GPC6: variants seen among roughly 807,000 people sequenced by gnomAD.
GPC6 encodes the protein glypican 6.
In GPC6, 14 loss-of-function variants were observed where a neutral mutation model predicts 55.2. That is an observed-to-expected ratio of 0.25 (90% CI 0.17 to 0.40). GPC6 has a LOEUF of 0.40. GPC6 is among the 10% of genes least tolerant of loss of function. The pLI, the probability that GPC6 is intolerant of heterozygous loss-of-function variation, is 1.00. For synonymous variants in GPC6, 278 were observed against 259.6 expected, an observed-to-expected ratio of 1.07 and a Z score of -0.68; for missense variants, 641 against 708.5, an observed-to-expected ratio of 0.90 and a Z score of 1.08.
intron 2 of GPC6, among the ~76,000 whole-genome samples, chr13:93,617,327 A>G (rs1384908271): frequency 6.6e-6 from 1 of 152,152 alleles, no homozygotes; most frequent in Non-Finnish European, 1.5e-5. Context: ...TTAACTCTTT[A>G]AACTCTGTAA....
Position 94,406,714 on chromosome 13 carries a change from G to A in GPC6, c.*3497G>A, listed in dbSNP as rs563025003. 2.1e-4 allele frequency: 32 copies of A among 151,980 alleles called. No individual in the cohort carries two copies. The highest frequency in any genetic ancestry group is 1.7e-3 in the East Asian group (9 of 5,180). 9.4% of individuals were successfully genotyped at this position (151,980 alleles called of 1,614,324 possible). ...TCTTTTGCCATTACATACATGTTTC[G>A]GCTACAGACTGAACACGAACTAAAG... On this transcript the variant is annotated 3_prime_UTR_variant, in exon 9 of 9. Transcript: ENST00000377047.
chr13:94,309,536 A>G (rs2139115990), intron 6 of GPC6, among the ~76,000 whole-genome samples: 1 of 152,350 alleles, frequency 6.6e-6, no homozygotes, highest in East Asian at 1.9e-4. Flanking sequence ...TAAGGAACTT[A>G]TAAATTCTTT....
At chr13:93,788,542 C>CACACACACACACAA (rs1376667571) in intron 2 of GPC6, among the ~76,000 whole-genome samples, 1 of 151,658 alleles carries the variant, frequency 6.6e-6, no homozygotes, top group East Asian at 1.9e-4. Context: ...CACACACACA[C>CACACACACACACAA]ACCTTGTCTG....
chr13:94,156,071 C>T (rs925132445), intron 4 of GPC6, among the ~76,000 whole-genome samples: 39 of 152,152 alleles, frequency 2.6e-4, no homozygotes, highest in African/African-American at 8.7e-4. Context: ...GATGATCCAA[C>T]ATCAAAACAC....
At chr13:93,924,972 G>A (rs1877777707) in intron 3 of GPC6, among the ~76,000 whole-genome samples, 1 of 151,930 alleles carries the variant, frequency 6.6e-6, no homozygotes, top group Non-Finnish European at 1.5e-5. Context: ...TACTTTAAGA[G>A]GCATGTGAAA....
At chr13:94,375,183 C>A (rs1879781229) in intron 6 of GPC6, among the ~76,000 whole-genome samples, 1 of 151,450 alleles carries the variant, frequency 6.6e-6, no homozygotes, top group Non-Finnish European at 1.5e-5. Flanking sequence ...CATTCAAAAG[C>A]TAGCAGAAGG....
intron 3 of GPC6, among the ~76,000 whole-genome samples, chr13:93,841,746 G>A (rs368758603): frequency 2.0e-5 from 3 of 152,164 alleles, no homozygotes; most frequent in East Asian, 3.9e-4. Flanking sequence ...GGAACATGCT[G>A]CATGTCAGAA....
At chr13:94,177,973 T>C (rs570427884) in intron 4 of GPC6, among the ~76,000 whole-genome samples, 10 of 152,118 alleles carry the variant, frequency 6.6e-5, no homozygotes, top group African/African-American at 1.7e-4. Context: ...TTTTGGTCTG[T>C]TAGTTAGAAA....
intron 5 of GPC6, among the ~76,000 whole-genome samples, chr13:94,294,806 G>A (rs970060927): frequency 2.6e-5 from 4 of 152,066 alleles, no homozygotes; most frequent in Non-Finnish European, 4.4e-5. Flanking sequence ...TTGAGCTCCT[G>A]TATTAGCATG....
chr13:94,322,093 G>A (rs1401014252), intron 6 of GPC6, among the ~76,000 whole-genome samples: 1 of 152,158 alleles, frequency 6.6e-6, no homozygotes, highest in Non-Finnish European at 1.5e-5. Flanking sequence ...CACGTGTTGT[G>A]GGAGGGACCC....
At chr13:93,784,793 G>A (rs561186246) in intron 2 of GPC6, among the ~76,000 whole-genome samples, 1 of 152,246 alleles carries the variant, frequency 6.6e-6, no homozygotes, top group East Asian at 1.9e-4. Context: ...GAAATGAATG[G>A]CTGATTGTGA....
intron 3 of GPC6, among the ~76,000 whole-genome samples, chr13:93,950,477 GT>G (rs952170502): frequency 2.0e-5 from 3 of 152,072 alleles, no homozygotes; most frequent in East Asian, 1.9e-4. Flanking sequence ...AATTCTACAG[GT>G]CCTTCTGACC....
intron 3 of GPC6, among the ~76,000 whole-genome samples, chr13:93,868,443 G>A (rs2139034730): frequency 6.6e-6 from 1 of 151,830 alleles, no homozygotes; most frequent in African/African-American, 2.4e-5. Flanking sequence ...AAAATAATAA[G>A]TTAATAATTT....
chr13:93,549,056 C>G (rs1479080764), intron 2 of GPC6, among the ~76,000 whole-genome samples: 1 of 152,144 alleles, frequency 6.6e-6, no homozygotes, highest in Non-Finnish European at 1.5e-5. Context: ...CTGGCCACTG[C>G]AAAAGTTCTC....
intron 4 of GPC6, among the ~76,000 whole-genome samples, chr13:94,128,249 G>C (rs1173619946): frequency 6.6e-6 from 1 of 152,084 alleles, no homozygotes; most frequent in Non-Finnish European, 1.5e-5. Context: ...TTAGATGATG[G>C]TCTGTAAAGT....
intron 4 of GPC6, among the ~76,000 whole-genome samples, chr13:94,039,904 C>A (rs1380354808): frequency 6.6e-6 from 1 of 151,864 alleles, no homozygotes; most frequent in African/African-American, 2.4e-5. Context: ...TATGCTCCAA[C>A]CTCTTTAATT....
At chr13:93,289,725 C>T (rs1429093319) in intron 1 of GPC6, among the ~76,000 whole-genome samples, 1 of 151,880 alleles carries the variant, frequency 6.6e-6, no homozygotes, top group Non-Finnish European at 1.5e-5. Context: ...TATTTTGAGC[C>T]GTTTGAGATG....
rs559603668 is a variant in GPC6, at chr13:94,035,792, A to ATG, written c.877+7909_877+7910dup. ...TTCTGACATAGTATTTACTTTGAATATGTGTGTGTGTGGATATATATATAT... is the reference window on the plus strand; with the variant it reads ...TTCTGACATAGTATTTACTTTGAATATGTGTGTGTGTGTGGATATATATATAT... On this transcript the variant is annotated intron_variant, in intron 4 of 8. Coordinates refer to ENST00000377047, the MANE Select transcript of GPC6 (RefSeq NM_005708.5). Among the ~76,000 whole-genome samples the ATG allele has an allele frequency of 1.2e-3, 175 of 151,912 alleles. 1 individual carries two copies. Among genetic ancestry groups the ATG allele is most frequent in the Non-Finnish European group, 1.9e-3 (128 of 67,920 alleles).
chr13:93,333,591 G>A (rs962360690), intron 1 of GPC6, among the ~76,000 whole-genome samples: 13 of 143,066 alleles, frequency 9.1e-5, no homozygotes, highest in African/African-American at 3.4e-4. Flanking sequence ...GGAGTGCGTT[G>A]GTACAATCTC....
Sources: allele counts gnomAD v4.1 joint callset (sites outside exome capture counted in the v4.1 genomes callset), GRCh38; gene constraint gnomAD v4.1.1; transcripts MANE v1.5; gene names NCBI Gene and HGNC (gene_info 2026-07-23, HGNC 2026-07-21).